Variants in TACC2 observed in about 807,000 individuals in gnomAD.
The protein encoded by TACC2 is transforming acidic coiled-coil containing protein 2.
In TACC2, 137 loss-of-function variants were observed where a neutral mutation model predicts 227.3. The observed-to-expected ratio is 0.60, with a 90% confidence interval of 0.52 to 0.69. The LOEUF (loss-of-function observed/expected upper bound fraction) is 0.69. Ranked by LOEUF, TACC2 falls within the 30% of genes least tolerant of loss-of-function variation. The pLI is 0.00. For synonymous variants in TACC2, 1,523 were observed against 1,487.5 expected, an observed-to-expected ratio of 1.02 and a Z score of -0.55; for missense variants, 3,470 against 3,694.4, an observed-to-expected ratio of 0.94 and a Z score of 1.57.
chr10:122,131,266 T>G (rs2088050250), intron 5 of TACC2, among the ~76,000 whole-genome samples: 1 of 152,040 alleles, frequency 6.6e-6, no homozygotes, highest in Non-Finnish European at 1.5e-5. Context: ...TGCTCTCTTG[T>G]TCACAGCAGA....
At chr10:122,088,016 C>T in intron 4 of TACC2, 57 bp downstream of exon 4, 1 of 1,456,340 alleles carries the variant, frequency 6.9e-7, no homozygotes, top group African/African-American at 1.4e-5. Context: ...AGGTGATTCC[C>T]AGCCTGATTT....
chr10:122,050,713 T>C lies in TACC2; in HGVS notation c.146+163T>C. On this transcript the variant is annotated intron_variant, in intron 3 of 22. Transcript: ENST00000369005. This position sits in a 1 kb window ranked among gnomAD's most constrained non-coding sequence, Gnocchi z 4.6. ...CCAAGCAGTGGTTCACAGACCTCTCTGTGACTGGCTAGGCCTGCATGATTG... is the reference window on the plus strand; with the variant it reads ...CCAAGCAGTGGTTCACAGACCTCTCCGTGACTGGCTAGGCCTGCATGATTG... The C allele has an allele frequency of 1.7e-6, 1 of 601,840 alleles. No individual in the cohort carries two copies. Among genetic ancestry groups the C allele is most frequent in the Non-Finnish European group, 3.0e-6 (1 of 335,312 alleles). 37.3% of individuals were successfully genotyped at this position (601,840 alleles called of 1,614,324 possible).
intron 1 of TACC2, 121 bp from the exon 2 acceptor site, chr10:122,021,816 G>A (rs1016972605): frequency 1.3e-5 from 8 of 619,076 alleles, no homozygotes; most frequent in Non-Finnish European, 2.0e-5. Flanking sequence ...TTTCCATGAT[G>A]TGACCGTAGA....
intron 7 of TACC2, among the ~76,000 whole-genome samples, chr10:122,186,403 A>G (rs990672888): frequency 1.3e-5 from 2 of 152,104 alleles, no homozygotes; most frequent in Non-Finnish European, 2.9e-5. Context: ...CTGAGGCAGG[A>G]GGATCTCGTG....
chr10:122,253,877 C>A (rs2142016442), intron 22 of TACC2, 114 bp from the exon 23 acceptor site: 2 of 796,894 alleles, frequency 2.5e-6, no homozygotes, highest in Non-Finnish European at 2.2e-6. Context: ...TGTCTCACTG[C>A]TTTAGTGGGG....
At chr10:122,206,206 A>T (rs930950471) in intron 8 of TACC2, among the ~76,000 whole-genome samples, 29 of 152,338 alleles carry the variant, frequency 1.9e-4, no homozygotes, top group Middle Eastern at 3.4e-3. Context: ...GTAGGGTGAC[A>T]TCAGCTGGGT....
At chr10:122,173,136 G>A (rs1364028790) in intron 7 of TACC2, among the ~76,000 whole-genome samples, 2 of 152,150 alleles carry the variant, frequency 1.3e-5, no homozygotes, top group Non-Finnish European at 2.9e-5. Flanking sequence ...ATTCCTACAG[G>A]GGTAATTGCT....
Position 122,121,955 on chromosome 10 carries a change from G to T in TACC2, c.5574-10654G>T, listed in dbSNP as rs574807315. Among the ~76,000 whole-genome samples, 5 of 152,326 alleles carry T rather than the reference G, an allele frequency of 3.3e-5. No individual in the cohort carries two copies. The East Asian group carries it at 9.7e-4, about 29-fold the overall frequency. ...AGAGGAAAGACCTGGCGGGGAGGGG[G>T]ATGGCAGCATGGGTTTCCAGGCGAG... On this transcript the variant is annotated intron_variant, in intron 5 of 22. Transcript: ENST00000369005.
intron 2 of TACC2, among the ~76,000 whole-genome samples, chr10:122,044,607 A>G (rs1480010022): frequency 6.6e-6 from 1 of 152,044 alleles, no homozygotes; most frequent in Non-Finnish European, 1.5e-5. Flanking sequence ...TTAATTAAGC[A>G]TGGTTTAATT....
At chr10:122,017,380 T>C (rs11200334) in intron 1 of TACC2, among the ~76,000 whole-genome samples, 67,953 of 151,944 alleles carry the variant, frequency 0.45, 15,405 homozygotes, top group South Asian at 0.59. Flanking sequence ...CCTCCCTCCC[T>C]GCCAGTCCTC....
At chr10:122,007,780 C>T (rs931159429) in intron 1 of TACC2, among the ~76,000 whole-genome samples, 4 of 152,130 alleles carry the variant, frequency 2.6e-5, no homozygotes, top group East Asian at 1.9e-4. Flanking sequence ...CCAAAACTCT[C>T]ATTGAAATTC....
chr10:122,168,384 A>G (rs368789674), intron 7 of TACC2, among the ~76,000 whole-genome samples: 1 of 152,220 alleles, frequency 6.6e-6, no homozygotes. Flanking sequence ...AATAAGCTGC[A>G]ACATTATCTG....
chr10:122,199,160 C>G (rs11200468), intron 8 of TACC2, among the ~76,000 whole-genome samples: 6,367 of 152,332 alleles, frequency 0.042, 449 homozygotes, highest in African/African-American at 0.15. Flanking sequence ...TCCTCTGTCT[C>G]CCAGGACATG....
intron 8 of TACC2, among the ~76,000 whole-genome samples, chr10:122,195,631 G>T (rs1480715005): frequency 6.6e-6 from 1 of 152,146 alleles, no homozygotes; most frequent in Admixed American, 6.5e-5. Context: ...CATGAATCTC[G>T]TGTCACCTGA....
At chr10:122,077,875 T>G (rs1472893328) in intron 3 of TACC2, among the ~76,000 whole-genome samples, 1 of 151,978 alleles carries the variant, frequency 6.6e-6, no homozygotes, top group Non-Finnish European at 1.5e-5. Context: ...ACCAGGCTGT[T>G]GTGTGGATTA....
intron 3 of TACC2, among the ~76,000 whole-genome samples, chr10:122,066,273 A>ATT (rs71482682): frequency 3.0e-5 from 4 of 132,028 alleles, no homozygotes; most frequent in African/African-American, 8.6e-5. Flanking sequence ...ATGCCCAGCT[A>ATT]TTTTTTTTTT....
chr10:122,251,967 C>G (rs1315806673), intron 22 of TACC2, among the ~76,000 whole-genome samples: 3 of 152,202 alleles, frequency 2.0e-5, no homozygotes, highest in African/African-American at 7.2e-5. Context: ...GATTCAGAAA[C>G]ATGATTCACC....
At chr10:122,240,309 T>C (rs1218788958) in intron 18 of TACC2, among the ~76,000 whole-genome samples, 2 of 152,172 alleles carry the variant, frequency 1.3e-5, no homozygotes, top group Admixed American at 6.5e-5. Flanking sequence ...GGAGGTGTTG[T>C]TTAATGGCAG....
intron 8 of TACC2, among the ~76,000 whole-genome samples, chr10:122,199,522 C>T (rs939460816): frequency 2.1e-4 from 32 of 152,272 alleles, no homozygotes; most frequent in African/African-American, 7.2e-4. Flanking sequence ...AGGCCCTTCC[C>T]AGCCTGGGGC....
Sources: allele counts gnomAD v4.1 joint callset (sites outside exome capture counted in the v4.1 genomes callset), GRCh38; gene constraint gnomAD v4.1.1; non-coding constraint Gnocchi (gnomAD v3.1); transcripts MANE v1.5; gene names NCBI Gene and HGNC (gene_info 2026-07-23, HGNC 2026-07-21).